Variants in RANBP10 observed in about 807,000 individuals in gnomAD.
RANBP10 encodes ran-binding protein 10.
In RANBP10, 24 loss-of-function variants were observed where a neutral mutation model predicts 72.8. The ratio of observed to expected loss-of-function variants is 0.33; its 90% CI spans 0.24 to 0.46. The LOEUF (loss-of-function observed/expected upper bound fraction) is 0.46, where lower values mean the gene tolerates loss of function less well. RANBP10 is among the 20% of genes least tolerant of loss of function. The probability of loss-of-function intolerance (pLI) is 1.00; values close to 1 mark genes in which losing one functional copy is unlikely to be tolerated. For missense variants in RANBP10, 679 were observed against 817.5 expected (o/e 0.83, Z 2.07); for synonymous variants, 310 against 322.3 (o/e 0.96, Z 0.41).
intron 3 of RANBP10, among the ~76,000 whole-genome samples, chr16:67,756,986 CCT>C (rs1260433782): frequency 6.6e-6 from 1 of 152,186 alleles, no homozygotes; most frequent in Non-Finnish European, 1.5e-5. Context: ...GGGCGGATCA[CCT>C]GAGGTCGGGA....
At chr16:67,762,915 G>C (rs2054426764) in intron 3 of RANBP10, among the ~76,000 whole-genome samples, 1 of 152,252 alleles carries the variant, frequency 6.6e-6, no homozygotes, top group Admixed American at 6.5e-5. Flanking sequence ...ACACACACCA[G>C]GCAGGGTGGC....
At chr16:67,804,261 A>G (rs779855905) in intron 2 of RANBP10, among the ~76,000 whole-genome samples, 3 of 152,178 alleles carry the variant, frequency 2.0e-5, no homozygotes, top group Non-Finnish European at 2.9e-5. Context: ...ATGTTACTTC[A>G]TAACTTACAC....
intron 2 of RANBP10, among the ~76,000 whole-genome samples, chr16:67,786,162 C>T (rs1161091362): frequency 6.6e-6 from 1 of 151,548 alleles, no homozygotes; most frequent in African/African-American, 2.4e-5. Context: ...GACCCCATCT[C>T]TACAAAAAAT....
chr16:67,751,814 G>C (rs531794850), intron 3 of RANBP10, among the ~76,000 whole-genome samples: 18 of 152,224 alleles, frequency 1.2e-4, no homozygotes, highest in African/African-American at 4.3e-4. Context: ...TACTCAGGAG[G>C]CTGAGGCAGG....
At chr16:67,750,079 G>A (rs992417412) in intron 3 of RANBP10, among the ~76,000 whole-genome samples, 1 of 152,192 alleles carries the variant, frequency 6.6e-6, no homozygotes, top group Admixed American at 6.5e-5. Flanking sequence ...TGTGTGTTTG[G>A]CACAGCACAA....
rs77859883 is a variant in RANBP10 at position 67,800,940 on chromosome 16, C to T, written c.347+4488G>A. Among the ~76,000 whole-genome samples, 1,465 of 152,302 alleles carry T rather than the reference C, an allele frequency of 9.6e-3. 21 individuals are homozygous for T. The highest frequency in any genetic ancestry group is 0.033 in the African/African-American group (1,368 of 41,562). ...AGTCCACTCTCTACTGAATGGGCCA[C>T]AGGCTTCCTGAGGACAAAGCTGATC... On this transcript the variant is annotated intron_variant, in intron 2 of 13. Transcript: ENST00000317506.
chr16:67,750,385 A>G (rs1028773233), intron 3 of RANBP10, among the ~76,000 whole-genome samples: 1 of 152,188 alleles, frequency 6.6e-6, no homozygotes, highest in South Asian at 2.1e-4. Context: ...GGAGTCTTTC[A>G]TAACATCTTT....
chr16:67,755,368 G>A (rs2054267979), intron 3 of RANBP10, among the ~76,000 whole-genome samples: 1 of 152,152 alleles, frequency 6.6e-6, no homozygotes, highest in Non-Finnish European at 1.5e-5. Context: ...GTCTCAGAGG[G>A]GACTGGGATG....
chr16:67,742,961 G>A (rs550349719), intron 4 of RANBP10, among the ~76,000 whole-genome samples: 15 of 152,328 alleles, frequency 9.8e-5, no homozygotes, highest in East Asian at 3.9e-4. Flanking sequence ...AATTTCAGAG[G>A]AGGGTTTCTC....
intron 2 of RANBP10, among the ~76,000 whole-genome samples, chr16:67,793,093 G>A (rs909878789): frequency 6.6e-6 from 1 of 152,086 alleles, no homozygotes; most frequent in Non-Finnish European, 1.5e-5. Context: ...ACCGGAGGGT[G>A]TAGCCACTAA....
intron 2 of RANBP10, among the ~76,000 whole-genome samples, chr16:67,793,906 GTC>G (rs924727553): frequency 5.3e-5 from 8 of 151,606 alleles, no homozygotes; most frequent in Admixed American, 4.6e-4. Context: ...TTTGAGACGA[GTC>G]TCACTCTCTC....
intron 3 of RANBP10, among the ~76,000 whole-genome samples, chr16:67,748,207 G>A (rs1291662725): frequency 6.6e-6 from 1 of 151,710 alleles, no homozygotes; most frequent in East Asian, 2.0e-4. Flanking sequence ...AATTTGGAGA[G>A]AATAGGTAGC....
At chr16:67,783,334 C>T (rs973078586) in intron 2 of RANBP10, among the ~76,000 whole-genome samples, 3 of 152,110 alleles carry the variant, frequency 2.0e-5, no homozygotes, top group Non-Finnish European at 2.9e-5. Flanking sequence ...TACAAGGCCA[C>T]GGGAAGGAGA....
At position 67,729,230 on chromosome 16, in the gene RANBP10, C is replaced by T. The variant is rs761863749; in HGVS notation, c.1352+50G>A. 1.3e-6 allele frequency: 2 copies of T among 1,596,260 alleles called. No individual in the cohort carries two copies. The highest frequency in any genetic ancestry group is 1.7e-6 in the Non-Finnish European group (2 of 1,170,756). ...CTCAAAGGACAGACTGCAATGGGCC[C>T]AGCTGGCATAAGGCAGAAGGCAGAG... On this transcript the variant is annotated intron_variant, in intron 10 of 13. Coordinates refer to ENST00000317506, the MANE Select transcript of RANBP10 (RefSeq NM_020850.3). This position sits in a 1 kb window ranked among gnomAD's most constrained non-coding sequence, Gnocchi z 7.1.
Position 67,731,645 on chromosome 16 carries a change from A to G in RANBP10, c.777-61T>C, listed in dbSNP as rs73591937. 1.1e-3 allele frequency: 1,379 copies of G among 1,297,068 alleles called. 13 individuals are homozygous for G. The African/African-American group carries it at 0.018, about 17-fold the overall frequency. The allele number at this position is 1,297,068 out of a possible 1,614,324, so 80.3% of individuals were successfully genotyped here. ...AACTGCACTTCTCACTGACTACCCA[A>G]TGGACTCAGGACAGATTACCTCCCC... On this transcript the variant is annotated intron_variant, in intron 6 of 13. Transcript: ENST00000317506.
intron 3 of RANBP10, among the ~76,000 whole-genome samples, chr16:67,767,275 C>T (rs139592748): frequency 6.6e-6 from 1 of 152,102 alleles, no homozygotes; most frequent in African/African-American, 2.4e-5. Flanking sequence ...CCATGGATCT[C>T]AAACTCAATG....
Position 67,727,360 on chromosome 16 carries a change from G to A in RANBP10, c.1699C>T (p.Pro567Ser), listed in dbSNP as rs769847708. 1.2e-6 allele frequency: 2 copies of A among 1,613,566 alleles called. No homozygotes were observed. Among genetic ancestry groups the A allele is most frequent in the Non-Finnish European group, 1.7e-6 (2 of 1,179,858 alleles). Reference sequence around the variant, plus strand: ...GCGCTGTTGAGGGCAGCACACACAGGTTCCCTCTGGATGGGGTCAAGCTGC... The same window carrying A: ...GCGCTGTTGAGGGCAGCACACACAGATTCCCTCTGGATGGGGTCAAGCTGC... Reference protein sequence around the residue: ...GQQLDPIQREPVCAALNSAIL... With the variant: ...GQQLDPIQRESVCAALNSAIL... The change falls in exon 13 of 14, where the codon CCT (proline) becomes TCT (serine). Residue 567 changes from proline to serine, a missense_variant. Pro to Ser is a moderately conservative substitution (Grantham distance 74). Coordinates refer to ENST00000317506, the MANE Select transcript of RANBP10 (RefSeq NM_020850.3).
intron 5 of RANBP10, chr16:67,735,725 C>G (rs964536438): frequency 6.6e-6 from 1 of 151,456 alleles, no homozygotes; most frequent in Non-Finnish European, 1.5e-5. Context: ...TCTGCCACTG[C>G]AACCCAGCCT....
chr16:67,723,965 G>A lies in RANBP10; in HGVS notation c.*2463C>T, dbSNP rs1294611667. The A allele has an allele frequency of 1.3e-5, 2 of 152,778 alleles. No individual in the cohort carries two copies. The highest frequency in any genetic ancestry group is 2.9e-5 in the Non-Finnish European group (2 of 68,114). The allele number at this position is 152,778 out of a possible 1,614,324, so 9.5% of individuals were successfully genotyped here. A position where few individuals can be genotyped will look rare whatever the true frequency, so the allele number is the denominator to read the frequency against. On this transcript the variant is annotated 3_prime_UTR_variant, in exon 14 of 14. Coordinates refer to ENST00000317506, the MANE Select transcript of RANBP10 (RefSeq NM_020850.3). ...AGGTGAGCTGCCCAACTGGGACAGAGAGCCCCTCTGGAGAGGAACAGAGTA... is the reference window on the plus strand; with the variant it reads ...AGGTGAGCTGCCCAACTGGGACAGAAAGCCCCTCTGGAGAGGAACAGAGTA...
Sources: allele counts gnomAD v4.1 joint callset (sites outside exome capture counted in the v4.1 genomes callset), GRCh38; gene constraint gnomAD v4.1.1; non-coding constraint Gnocchi (gnomAD v3.1); transcripts MANE v1.5; gene names NCBI Gene and HGNC (gene_info 2026-07-23, HGNC 2026-07-21).